ETFB: variants seen among roughly 807,000 people sequenced by gnomAD.
ETFB encodes electron transfer flavoprotein subunit beta.
In ETFB, 20 loss-of-function variants were observed where a neutral mutation model predicts 25.6. That is an observed-to-expected ratio of 0.78 (90% CI 0.55 to 1.14). The LOEUF (loss-of-function observed/expected upper bound fraction) is 1.14. Ranked by LOEUF, ETFB falls within the 50% of genes most tolerant of loss-of-function variation. The pLI is 0.00. For synonymous variants in ETFB, 142 were observed against 146.7 expected (o/e 0.97, Z 0.23); for missense variants, 286 against 342.6 (o/e 0.83, Z 1.30).
At chr19:51,365,107 T>C (rs953509708) in intron 1 of ETFB, 2 of 152,070 alleles carry the variant, frequency 1.3e-5, no homozygotes, top group African/African-American at 4.8e-5. Context: ...GGTAGGAGAA[T>C]TGCTTGAACT....
intron 1 of ETFB, chr19:51,356,483 C>T (rs1986083239): frequency 6.6e-6 from 1 of 152,170 alleles, no homozygotes; most frequent in Non-Finnish European, 1.5e-5. Context: ...AAAACACCAG[C>T]ATGAAAGACC....
intron 4 of ETFB, chr19:51,347,275 G>GTCCT (rs1461471797): frequency 1.7e-6 from 1 of 575,600 alleles, no homozygotes; most frequent in Non-Finnish European, 3.1e-6. Flanking sequence ...GATGTCCCAT[G>GTCCT]TCCTGATGCT....
At position 51,350,316 on chromosome 19, in the gene ETFB, A is replaced by C; in HGVS notation, c.438+13T>G. 3 of 1,608,704 alleles carry C rather than the reference A, an allele frequency of 1.9e-6. No individual in the cohort carries two copies. The highest frequency in any genetic ancestry group is 2.5e-6 in the Non-Finnish European group (3 of 1,177,880). On this transcript the variant is annotated intron_variant, in intron 4 of 5. Coordinates refer to ENST00000309244, the MANE Select transcript of ETFB (RefSeq NM_001985.3). Reference sequence around the variant, plus strand: ...GCCTGGCCCTCAGCAGGTGCTCCCCACTCCAGTCTCACCTGTGGCCAGTCA... The same window carrying C: ...GCCTGGCCCTCAGCAGGTGCTCCCCCCTCCAGTCTCACCTGTGGCCAGTCA...
chr19:51,362,665 C>G (rs1236507770), intron 1 of ETFB, among the ~76,000 whole-genome samples: 2 of 152,176 alleles, frequency 1.3e-5, no homozygotes, highest in Admixed American at 6.6e-5. Flanking sequence ...TAGATAGTAC[C>G]ATCATCCCCA....
At chr19:51,353,067 T>A in intron 3 of ETFB, 65 bp downstream of exon 3, 2 of 1,603,390 alleles carry the variant, frequency 1.2e-6, no homozygotes, top group Non-Finnish European at 1.7e-6. Context: ...TCACCCCGTA[T>A]CTCCACCACC....
At chr19:51,345,794 T>C (rs369212158) in intron 5 of ETFB, 4 of 332,050 alleles carry the variant, frequency 1.2e-5, no homozygotes, top group South Asian at 9.7e-5. Context: ...TAGGCTGAGA[T>C]GATGCGCTGA....
At position 51,347,075 on chromosome 19, in the gene ETFB, T is replaced by C; in HGVS notation, c.439-17A>G. 1 of 1,613,678 alleles carries C rather than the reference T, an allele frequency of 6.2e-7. No homozygotes were observed. The highest frequency in any genetic ancestry group is 8.5e-7 in the Non-Finnish European group (1 of 1,179,874). On this transcript the variant is annotated splice_polypyrimidine_tract_variant and intron_variant, in intron 4 of 5. Coordinates refer to ENST00000309244, the MANE Select transcript of ETFB (RefSeq NM_001985.3). ...GAATGTGCCCTGGGGAGGGACAGTG[T>C]AGGAGGAGAGTGGGTGAGGCTAATT...
intron 2 of ETFB, among the ~76,000 whole-genome samples, chr19:51,353,528 G>A (rs1382893483): frequency 0.011 from 2 of 178 alleles, no homozygotes; most frequent in Non-Finnish European, 0.032. Flanking sequence ...AGACCCAGGA[G>A]TCCGGGCCCC....
At chr19:51,364,770 T>C (rs1032617099) in intron 1 of ETFB, among the ~76,000 whole-genome samples, 2 of 152,120 alleles carry the variant, frequency 1.3e-5, no homozygotes, top group Non-Finnish European at 2.9e-5. Flanking sequence ...ACAGGGGGCA[T>C]TGAGGGAGAT....
intron 5 of ETFB, 47 bp downstream of exon 5, chr19:51,346,853 G>T: frequency 6.5e-7 from 1 of 1,527,312 alleles, no homozygotes. Flanking sequence ...GGCTGGCAAT[G>T]TGCTTGCCAC....
At chr19:51,360,331 G>C (rs1373999511) in intron 1 of ETFB, among the ~76,000 whole-genome samples, 1 of 151,384 alleles carries the variant, frequency 6.6e-6, no homozygotes, top group Non-Finnish European at 1.5e-5. Context: ...GAACCCGGGA[G>C]GTGGAGGTTG....
chr19:51,363,737 C>CAGTGATT (rs1986284776), intron 1 of ETFB, among the ~76,000 whole-genome samples: 1 of 152,146 alleles, frequency 6.6e-6, no homozygotes, highest in African/African-American at 2.4e-5. Context: ...GTGTGAGCCA[C>CAGTGATT]CGCGCCTGGC....
intron 1 of ETFB, chr19:51,354,571 C>G: frequency 5.0e-6 from 8 of 1,614,196 alleles, no homozygotes; most frequent in Non-Finnish European, 6.8e-6. Context: ...TGTCACTGCT[C>G]CTCTCAGGCC....
intron 1 of ETFB, among the ~76,000 whole-genome samples, chr19:51,363,574 G>A (rs112410385): frequency 0.029 from 4,364 of 151,936 alleles, 222 homozygotes; most frequent in African/African-American, 0.099. Context: ...TCAGCCTCCC[G>A]AGTAGCTGGG....
intron 3 of ETFB, among the ~76,000 whole-genome samples, chr19:51,350,716 C>T (rs934421349): frequency 6.6e-6 from 1 of 152,080 alleles, no homozygotes; most frequent in African/African-American, 2.4e-5. Flanking sequence ...AACTGCTGAC[C>T]TCAGATGATC....
intron 1 of ETFB, among the ~76,000 whole-genome samples, chr19:51,358,983 G>C (rs1986154194): frequency 6.6e-6 from 1 of 151,964 alleles, no homozygotes; most frequent in Non-Finnish European, 1.5e-5. Context: ...GGGTGACAGA[G>C]CAAGACCTCA....
chr19:51,345,163 C>T (rs1328210266), downstream of ETFB: 8 of 1,585,922 alleles, frequency 5.0e-6, no homozygotes, highest in African/African-American at 1.3e-5. Flanking sequence ...AATAAGTTAA[C>T]AGAGATAGAT....
intron 4 of ETFB, 94 bp downstream of exon 4, chr19:51,350,235 G>A (rs1985898723): frequency 1.5e-6 from 2 of 1,367,718 alleles, no homozygotes; most frequent in Non-Finnish European, 2.0e-6. Context: ...TGTTCCAGGA[G>A]GAGAGAACAG....
chr19:51,350,233 G>A, intron 4 of ETFB, 96 bp downstream of exon 4: 1 of 1,346,422 alleles, frequency 7.4e-7, no homozygotes, highest in Middle Eastern at 2.3e-4. Flanking sequence ...AGTGTTCCAG[G>A]AGGAGAGAAC....
Sources: allele counts gnomAD v4.1 joint callset (sites outside exome capture counted in the v4.1 genomes callset), GRCh38; gene constraint gnomAD v4.1.1; transcripts MANE v1.5; gene names NCBI Gene and HGNC (gene_info 2026-07-23, HGNC 2026-07-21).